The following RYR2 variants were observed in gnomAD, a reference collection of about 807,000 sequenced individuals.
The protein encoded by RYR2 is ryanodine receptor 2.
In RYR2, 227 loss-of-function variants were observed where a neutral mutation model predicts 601.1. The observed-to-expected ratio is 0.38, with a 90% CI of 0.34 to 0.42. RYR2 has a LOEUF of 0.42. Ranked by LOEUF, RYR2 falls within the 10% of genes least tolerant of loss-of-function variation. The pLI is 1.00. For missense variants in RYR2, 4,646 were observed against 6,156.5 expected, an observed-to-expected ratio of 0.75 and a Z score of 8.21; for synonymous variants, 2,223 against 2,175.1, an observed-to-expected ratio of 1.02 and a Z score of -0.61.
At chr1:237,311,520 C>G (rs904654667) in intron 2 of RYR2, among the ~76,000 whole-genome samples, 3 of 151,136 alleles carry the variant, frequency 2.0e-5, no homozygotes, top group African/African-American at 7.3e-5. Flanking sequence ...CACTCTGTGA[C>G]CCAGGCTGGT....
intron 2 of RYR2, among the ~76,000 whole-genome samples, chr1:237,322,528 C>T (rs955076127): frequency 6.6e-6 from 1 of 152,112 alleles, no homozygotes; most frequent in Non-Finnish European, 1.5e-5. Context: ...GATACTATAT[C>T]AGGCAAGAAA....
At chr1:237,043,757 A>AAAAC (rs771009602) in intron 1 of RYR2, among the ~76,000 whole-genome samples, 7 of 152,096 alleles carry the variant, frequency 4.6e-5, no homozygotes, top group South Asian at 2.1e-4. Flanking sequence ...AAAACAAAAC[A>AAAAC]AAACAAACAA....
intron 2 of RYR2, among the ~76,000 whole-genome samples, chr1:237,308,021 C>G (rs61834133): frequency 0.31 from 45,142 of 143,894 alleles, 8,221 homozygotes; most frequent in South Asian, 0.49. Context: ...TCCATCTTGA[C>G]TGAGGGCTAG....
chr1:237,421,721 A>G (rs564255295), intron 11 of RYR2, among the ~76,000 whole-genome samples: 1 of 152,234 alleles, frequency 6.6e-6, no homozygotes, highest in South Asian at 2.1e-4. Flanking sequence ...ATCTCCATAT[A>G]TTTACTTTTT....
chr1:237,830,378 A>G, intron 102 of RYR2, 152 bp from the exon 103 acceptor site: 1 of 576,634 alleles, frequency 1.7e-6, no homozygotes, highest in African/African-American at 1.9e-5. Context: ...CGACAGTTCC[A>G]TTTATATTCG....
Position 237,631,526 on chromosome 1 carries a change from A to G in RYR2, c.6540A>G (p.Gly2180=), listed in dbSNP as rs778971002. ...TGGAGGTCATGGTGAACGTCCTTGG[A>G]GGTGGAGAGTCCAAGGTAACGTCTT... is the stretch of plus-strand genomic sequence containing the variant. ...TVMEVMVNVL[G]GGESKEITFP... The change falls in exon 42 of 105, where the codon GGA becomes GGG. Residue 2180 remains glycine, a synonymous_variant. Coordinates refer to ENST00000366574, the MANE Select transcript of RYR2 (RefSeq NM_001035.3). The G allele has an allele frequency of 6.4e-7, 1 of 1,552,130 alleles. No individual in the cohort carries two copies. Among genetic ancestry groups the G allele is most frequent in the South Asian group, 1.1e-5 (1 of 89,776 alleles).
At chr1:237,418,270 C>T (rs1418436335) in intron 11 of RYR2, among the ~76,000 whole-genome samples, 1 of 152,114 alleles carries the variant, frequency 6.6e-6, no homozygotes, top group Non-Finnish European at 1.5e-5. Context: ...TCTCGATCTC[C>T]TGACCTCCTG....
At chr1:237,447,343 C>T (rs1438542989) in intron 14 of RYR2, among the ~76,000 whole-genome samples, 1 of 152,152 alleles carries the variant, frequency 6.6e-6, no homozygotes. Context: ...TTTACTTTAG[C>T]ACATCTGCTC....
At chr1:237,761,208 C>G (rs867386681) in intron 84 of RYR2, among the ~76,000 whole-genome samples, 180 bp downstream of exon 84, 3 of 152,174 alleles carry the variant, frequency 2.0e-5, no homozygotes, top group Admixed American at 1.3e-4. Flanking sequence ...CAACCTTCCA[C>G]GCCGGTCATT....
intron 6 of RYR2, among the ~76,000 whole-genome samples, chr1:237,371,289 A>G (rs906569490): frequency 5.3e-5 from 8 of 151,992 alleles, no homozygotes; most frequent in African/African-American, 1.9e-4. Flanking sequence ...CTGTGTAGCT[A>G]GGACTACAGG....
At chr1:237,602,441 T>C (rs1180454711) in intron 35 of RYR2, among the ~76,000 whole-genome samples, 1 of 152,130 alleles carries the variant, frequency 6.6e-6, no homozygotes, top group Non-Finnish European at 1.5e-5. Context: ...CCACCTACAA[T>C]AGTGGTATGT....
At chr1:237,305,504 T>G (rs1031229826) in intron 2 of RYR2, among the ~76,000 whole-genome samples, 4 of 152,222 alleles carry the variant, frequency 2.6e-5, no homozygotes, top group African/African-American at 9.6e-5. Context: ...CAATCACTGC[T>G]TACTGCAGCC....
chr1:237,782,429 T>TATCA (rs1695199699), intron 89 of RYR2, among the ~76,000 whole-genome samples: 1 of 152,210 alleles, frequency 6.6e-6, no homozygotes. Context: ...TTACGGTGCC[T>TATCA]ATCACTTTTT....
At position 237,101,542 on chromosome 1, in the gene RYR2, C is replaced by T. The variant is rs114721395; in HGVS notation, c.48+58973C>T. 8.6e-3 allele frequency among the ~76,000 whole-genome samples: 1,308 copies of T among 152,302 alleles called. 23 individuals carry two copies. Among genetic ancestry groups the T allele is most frequent in the African/African-American group, 0.029 (1,222 of 41,570 alleles). Reference sequence around the variant, plus strand: ...TCAAAAGCAAACACACACACACTCTCGATCTTACAAGAGCAAGAGCTCTTT... The same window carrying T: ...TCAAAAGCAAACACACACACACTCTTGATCTTACAAGAGCAAGAGCTCTTT... On this transcript the variant is annotated intron_variant, in intron 1 of 104. Coordinates refer to ENST00000366574, the MANE Select transcript of RYR2 (RefSeq NM_001035.3).
At chr1:237,761,645 A>T (rs1418089383) in intron 84 of RYR2, among the ~76,000 whole-genome samples, 3 of 152,234 alleles carry the variant, frequency 2.0e-5, no homozygotes, top group Non-Finnish European at 4.4e-5. Context: ...TAAACTAGAA[A>T]GTTTAGCATA....
chr1:237,750,517 ATAT>A (rs1198419586), intron 80 of RYR2, among the ~76,000 whole-genome samples: 1 of 150,900 alleles, frequency 6.6e-6, no homozygotes, highest in Non-Finnish European at 1.5e-5. Flanking sequence ...AATTTATATA[ATAT>A]TCATAAATTT....
intron 1 of RYR2, among the ~76,000 whole-genome samples, chr1:237,197,558 A>T (rs1680706248): frequency 6.6e-6 from 1 of 152,234 alleles, no homozygotes; most frequent in Admixed American, 6.5e-5. Context: ...CAATATGATT[A>T]ATTAAGCAAA....
chr1:237,235,293 G>A (rs7553206), intron 1 of RYR2, among the ~76,000 whole-genome samples: 2,436 of 152,220 alleles, frequency 0.016, 57 homozygotes, highest in African/African-American at 0.056. Flanking sequence ...TCTCCTGTTC[G>A]CTACTGCACA....
intron 1 of RYR2, among the ~76,000 whole-genome samples, chr1:237,136,678 T>G (rs1672813609): frequency 6.6e-6 from 1 of 152,118 alleles, no homozygotes; most frequent in Non-Finnish European, 1.5e-5. Context: ...AAAGCAAAGT[T>G]ATGTTTCTTA....
Sources: gnomAD v4.1 joint callset for allele counts (sites outside exome capture counted in the v4.1 genomes callset) on GRCh38, gnomAD v4.1.1 for gene constraint, MANE v1.5 for transcripts, NCBI Gene and HGNC (gene_info 2026-07-23, HGNC 2026-07-21) for gene names.